SLC25A19: variants seen among roughly 807,000 people sequenced by gnomAD.
The protein encoded by SLC25A19 is solute carrier family 25 member 19.
SLC25A19 carries 18 observed loss-of-function variants against 27.9 expected under a neutral mutation model. The observed-to-expected ratio is 0.64, with a 90% confidence interval of 0.45 to 0.96. SLC25A19 has a LOEUF of 0.96. Ranked by LOEUF, SLC25A19 falls within the 40% of genes least tolerant of loss-of-function variation. SLC25A19 has a pLI of 0.00. For missense variants in SLC25A19, 371 were observed against 418.3 expected (o/e 0.89, Z 0.99); for synonymous variants, 169 against 167.1 (o/e 1.01, Z -0.09).
chr17:75,284,922 CAT>C (rs1037167758), intron 4 of SLC25A19, among the ~76,000 whole-genome samples: 6 of 151,646 alleles, frequency 4.0e-5, no homozygotes, highest in African/African-American at 1.2e-4. Flanking sequence ...AGATTACACA[CAT>C]GAGCCACCGA....
chr17:75,284,263 C>A (rs575768489), intron 4 of SLC25A19, among the ~76,000 whole-genome samples: 5 of 152,202 alleles, frequency 3.3e-5, no homozygotes, highest in Non-Finnish European at 7.3e-5. Flanking sequence ...ATTAGCCAGG[C>A]ATGGTGGCGT....
In SLC25A19 at chr17:75,278,291, G is replaced by A. The variant is rs148474667; in HGVS notation, c.504C>T (p.Ser168=). 377 of 1,614,070 alleles carry A rather than the reference G, an allele frequency of 2.3e-4. 1 individual carries two copies. Among genetic ancestry groups the A allele is most frequent in the South Asian group, 1.2e-3 (105 of 91,076 alleles). ...CTTTGTAGAAAACCTGGGGGCCTTCGCTCCTATACATGGTCCCCACGGCGT... is the reference window on the plus strand; with the variant it reads ...CTTTGTAGAAAACCTGGGGGCCTTCACTCCTATACATGGTCCCCACGGCGT... ...LRHAVGTMYR[S]EGPQVFYKGL... The change falls in exon 6 of 8, where the codon AGC becomes AGT. Residue 168 remains serine (S), a synonymous_variant. Transcript: ENST00000416858.
At chr17:75,280,762 G>A (rs906799220) in intron 5 of SLC25A19, among the ~76,000 whole-genome samples, 2 of 151,718 alleles carry the variant, frequency 1.3e-5, no homozygotes, top group Non-Finnish European at 2.9e-5. Context: ...CAGCCTCAGC[G>A]ACAGAGTGAG....
intron 1 of SLC25A19, chr17:75,289,002 G>C (rs531594897): frequency 3.3e-5 from 5 of 152,298 alleles, no homozygotes; most frequent in Non-Finnish European, 7.3e-5. Context: ...CAGGAGACCG[G>C]AGCATACCAG....
At chr17:75,285,165 G>A (rs1274001002) in intron 4 of SLC25A19, among the ~76,000 whole-genome samples, 1 of 152,118 alleles carries the variant, frequency 6.6e-6, no homozygotes, top group East Asian at 1.9e-4. Flanking sequence ...TCAAACTCCT[G>A]AGCTCAAGCC....
At chr17:75,282,524 G>T (rs2078064157) in intron 5 of SLC25A19, among the ~76,000 whole-genome samples, 1 of 151,692 alleles carries the variant, frequency 6.6e-6, no homozygotes, top group Admixed American at 6.6e-5. Context: ...ATTCCAGCCT[G>T]GGCAATAAGA....
In SLC25A19 at chr17:75,286,745, T is replaced by C. The variant is rs762770947; in HGVS notation, c.20A>G (p.Lys7Arg). MVGYDP[K>R]PDGRNNTKFQ... ...CTTGGTGTTATTCCTGCCATCTGGT[T>C]TGGGGTCATAGCCAACCATCCCTGC... The change falls in exon 3 of 8, where the codon AAA becomes AGA. Residue 7 changes from lysine (K) to arginine (R), a missense_variant. Transcript: ENST00000416858. The C allele has an allele frequency of 3.1e-6, 5 of 1,614,002 alleles. No homozygotes were observed. The highest frequency in any genetic ancestry group is 1.3e-5 in the African/African-American group (1 of 74,900).
chr17:75,286,650 T>A lies in SLC25A19; in HGVS notation c.115A>T (p.Ile39Phe), dbSNP rs765144622. 1.2e-6 allele frequency: 2 copies of A among 1,614,032 alleles called. No homozygotes were observed. Among genetic ancestry groups the A allele is most frequent in the African/African-American group, 2.7e-5 (2 of 74,922 alleles). The change falls in exon 3 of 8, where the codon ATC (isoleucine) becomes TTC (phenylalanine). Residue 39 changes from isoleucine to phenylalanine, a missense_variant. Physicochemically the swap from Ile to Phe is conservative, Grantham distance 21. Coordinates refer to ENST00000416858, the MANE Select transcript of SLC25A19 (RefSeq NM_001126121.2). Reference sequence around the variant, plus strand: ...AAGAGTACCTGGAAACGGATCTTGATGACGTCGAAGGGACTGATCAGCGCC... The same window carrying A: ...AAGAGTACCTGGAAACGGATCTTGAAGACGTCGAAGGGACTGATCAGCGCC... ...TRALISPFDVIKIRFQLQHER... is the reference protein window; with the variant it reads ...TRALISPFDVFKIRFQLQHER...
At chr17:75,282,042 G>A (rs570867094) in intron 5 of SLC25A19, among the ~76,000 whole-genome samples, 29 of 152,118 alleles carry the variant, frequency 1.9e-4, no homozygotes, top group Middle Eastern at 3.2e-3. Context: ...GGCCGAGGCG[G>A]GCAGACGGCT....
chr17:75,276,508 C>G (rs1025145687), intron 7 of SLC25A19, among the ~76,000 whole-genome samples: 2 of 151,730 alleles, frequency 1.3e-5, no homozygotes, highest in Admixed American at 1.3e-4. Context: ...GCTGGGACTA[C>G]AGGCGCCCAC....
At position 75,277,454 on chromosome 17, in the gene SLC25A19, C is replaced by T. The variant is rs1053499737; in HGVS notation, c.673G>A (p.Gly225Arg). Residue 225 changes from glycine (G) to arginine (R), a missense_variant, in exon 7 of 8, where the codon GGA becomes AGA. Physicochemically the swap from Gly to Arg is moderately radical, Grantham distance 125. Transcript: ENST00000416858. The part of the protein sequence containing the change: ...ENLQNLLCGS[G>R]AGVISKTLTY... ...AGGGTCTTGCTGATGACACCAGCTC[C>T]ACTGCCACAAAGCAGGTTTTGGAGG... The T allele has an allele frequency of 6.2e-7, 1 of 1,613,976 alleles. No individual in the cohort carries two copies. The highest frequency in any genetic ancestry group is 8.5e-7 in the Non-Finnish European group (1 of 1,179,996).
intron 5 of SLC25A19, among the ~76,000 whole-genome samples, chr17:75,281,028 T>G (rs1055877536): frequency 7.2e-6 from 1 of 139,178 alleles, no homozygotes; most frequent in Non-Finnish European, 1.6e-5. Flanking sequence ...CTACAAAAAA[T>G]AAAAAAATAA....
At position 75,274,973 on chromosome 17, in the gene SLC25A19, CTTTTTTTTTTTTTTTTT is replaced by C. The variant is rs67040059; in HGVS notation, c.775-1351_775-1335del. ...TAGTGAAATTACAAGGGATTTTGGT[CTTTTTTTTTTTTTTTTT>C]TTTTTTTTTTTTTTTTGAGACAGAG... On this transcript the variant is annotated intron_variant, in intron 7 of 7. Transcript: ENST00000416858. 1.8e-3 allele frequency among the ~76,000 whole-genome samples: 86 copies of C among 47,200 alleles called. 1 individual carries two copies. In the East Asian group the frequency reaches 0.043, roughly 23 times the overall value. 31.0% of individuals were successfully genotyped at this position (47,200 alleles called of 152,430 possible).
intron 7 of SLC25A19, among the ~76,000 whole-genome samples, chr17:75,275,228 A>G (rs897459166): frequency 2.6e-5 from 4 of 151,806 alleles, no homozygotes; most frequent in Admixed American, 2.6e-4. Context: ...CCTGGCCTCA[A>G]CTGATTTTCC....
chr17:75,287,138 G>C (rs915190261), intron 2 of SLC25A19: 3 of 290,714 alleles, frequency 1.0e-5, no homozygotes, highest in Non-Finnish European at 2.0e-5. Context: ...TTTAGAGACA[G>C]GGTCTCACTC....
At chr17:75,284,330 G>T (rs1303637946) in intron 4 of SLC25A19, among the ~76,000 whole-genome samples, 1 of 152,210 alleles carries the variant, frequency 6.6e-6, no homozygotes, top group African/African-American at 2.4e-5. Context: ...CTGAACCCAG[G>T]AGGCGGAGGT....
rs372041843 is a variant in SLC25A19, at chr17:75,273,640, C to G, written c.775-1G>C. On this transcript the variant is annotated splice_acceptor_variant, in intron 7 of 7. Transcript: ENST00000416858. LOFTEE classifies it high-confidence loss of function. ...CCATGAGGCCCTTGTATCTCCGTAC[C>G]TGGGGAGAGGAAAGGGATGAAAATA... 6 of 1,612,192 alleles carry G rather than the reference C, an allele frequency of 3.7e-6. No homozygotes were observed. In the African/African-American group the frequency reaches 4.0e-5, roughly 11 times the overall value.
At chr17:75,274,973 C>CTGTTTTTTT (rs2077835903) in intron 7 of SLC25A19, among the ~76,000 whole-genome samples, 1 of 47,174 alleles carries the variant, frequency 2.1e-5, no homozygotes, top group Non-Finnish European at 3.7e-5. Flanking sequence ...GGATTTTGGT[C>CTGTTTTTTT]TTTTTTTTTT....
chr17:75,286,490 G>C (rs758325874), intron 3 of SLC25A19, 31 bp from the exon 4 acceptor site: 1 of 1,613,612 alleles, frequency 6.2e-7, no homozygotes, highest in Non-Finnish European at 8.5e-7. Flanking sequence ...GGTCAGGACA[G>C]TGGGGTGGGC....
Sources: gnomAD v4.1 joint callset for allele counts (sites outside exome capture counted in the v4.1 genomes callset) on GRCh38, gnomAD v4.1.1 for gene constraint, MANE v1.5 for transcripts, NCBI Gene and HGNC (gene_info 2026-07-23, HGNC 2026-07-21) for gene names.